Variants in ZNF793 observed in about 807,000 individuals in gnomAD.
ZNF793 encodes zinc finger protein 793.
Under a neutral mutation model 12.4 loss-of-function variants are expected in ZNF793, and 5 were observed. The observed-to-expected ratio is 0.40, with a 90% CI of 0.21 to 0.84. The LOEUF is 0.84. Ranked by LOEUF, ZNF793 falls within the 40% of genes least tolerant of loss-of-function variation. The pLI is 0.35. For synonymous variants in ZNF793, 162 were observed against 172.4 expected (o/e 0.94, Z 0.47); for missense variants, 456 against 495.0 (o/e 0.92, Z 0.75).
chr19:37,532,575 C>A, intron 6 of ZNF793, 93 bp downstream of exon 6: 1 of 1,421,350 alleles, frequency 7.0e-7, no homozygotes, highest in Non-Finnish European at 9.3e-7. Context: ...CTTTGGGAGG[C>A]CAAGGCAGGT....
At chr19:37,525,638 G>A (rs2042409564) in intron 5 of ZNF793, among the ~76,000 whole-genome samples, 1 of 150,228 alleles carries the variant, frequency 6.7e-6, no homozygotes, top group African/African-American at 2.5e-5. Flanking sequence ...GGTTTCGATG[G>A]TCTCGATCTC....
intron 5 of ZNF793, among the ~76,000 whole-genome samples, chr19:37,525,945 A>G (rs1441460309): frequency 2.6e-5 from 4 of 151,880 alleles, no homozygotes; most frequent in Admixed American, 6.6e-5. Flanking sequence ...CCCAGCCCCC[A>G]AGGGCCCTGT....
chr19:37,536,856 G>C lies in ZNF793; in HGVS notation c.239-41G>C, dbSNP rs1600423587. ...AAATTTTGAGAGCATTTCTTAAGTA[G>C]TATGAAGTTTCATAAGGATGATTCA... On this transcript the variant is annotated intron_variant, in intron 7 of 7. Coordinates refer to ENST00000627814, the MANE Select transcript of ZNF793 (RefSeq NM_001013659.3). The C allele has an allele frequency of 1.0e-5, 16 of 1,546,778 alleles. No homozygotes were observed. The African/African-American group carries it at 1.1e-4, about 11-fold the overall frequency.
intron 2 of ZNF793, among the ~76,000 whole-genome samples, chr19:37,517,634 C>A (rs972201569): frequency 6.6e-6 from 1 of 152,062 alleles, no homozygotes; most frequent in African/African-American, 2.4e-5. Flanking sequence ...TCAGGCACTA[C>A]GTCTTTATGT....
chr19:37,519,845 T>C (rs2042361600), intron 2 of ZNF793, among the ~76,000 whole-genome samples: 1 of 152,216 alleles, frequency 6.6e-6, no homozygotes, highest in Admixed American at 6.5e-5. Context: ...AGAGCCTGCA[T>C]TTGAACCCAG....
chr19:37,532,397 A>G lies in ZNF793; in HGVS notation c.57A>G (p.Gln19=). 2 of 1,614,172 alleles carry G rather than the reference A, an allele frequency of 1.2e-6. No individual in the cohort carries two copies. Among genetic ancestry groups the G allele is most frequent in the South Asian group, 2.2e-5 (2 of 91,070 alleles). ...SFKDVVVGFT[Q]EEWHRLSPAQ... ...AAGATGTGGTTGTGGGCTTCACCCA[A>G]GAGGAGTGGCACCGGCTGAGTCCTG... is the stretch of plus-strand genomic sequence containing the variant. The change falls in exon 6 of 8, where the codon CAA becomes CAG. Residue 19 remains glutamine (Q), a synonymous_variant. Transcript: ENST00000627814.
chr19:37,525,735 C>T (rs1203225112), intron 5 of ZNF793, among the ~76,000 whole-genome samples: 1 of 152,046 alleles, frequency 6.6e-6, no homozygotes, highest in Non-Finnish European at 1.5e-5. Flanking sequence ...GGAATGATTT[C>T]TGTTTAAGGG....
chr19:37,513,630 G>A (rs1025663332), intron 2 of ZNF793, among the ~76,000 whole-genome samples: 5 of 152,220 alleles, frequency 3.3e-5, no homozygotes, highest in African/African-American at 1.2e-4. Context: ...GATTTCTGCA[G>A]TGTTCTCAGA....
Position 37,532,360 on chromosome 19 carries a change from C to G in ZNF793, c.20C>G (p.Pro7Arg). The change falls in exon 6 of 8, where the codon CCT becomes CGT. Residue 7 changes from proline to arginine, a missense_variant. Physicochemically the swap from Pro to Arg is moderately radical, Grantham distance 103. Coordinates refer to ENST00000627814, the MANE Select transcript of ZNF793 (RefSeq NM_001013659.3). Reference sequence around the variant, plus strand: ...ATGTCATTTTTGTTTCAACAGATACCTGTGTCATTCAAAGATGTGGTTGTG... The same window carrying G: ...ATGTCATTTTTGTTTCAACAGATACGTGTGTCATTCAAAGATGTGGTTGTG... MIEYQIPVSFKDVVVGF... is the reference protein window; with the variant it reads MIEYQIRVSFKDVVVGF... 3 of 1,613,590 alleles carry G rather than the reference C, an allele frequency of 1.9e-6. No homozygotes were observed. The highest frequency in any genetic ancestry group is 2.5e-6 in the Non-Finnish European group (3 of 1,179,736).
At chr19:37,535,701 T>G (rs2042499375) in intron 7 of ZNF793, 1 of 152,064 alleles carries the variant, frequency 6.6e-6, no homozygotes, top group South Asian at 2.1e-4. Context: ...ATTTTCTATT[T>G]TTAGTAGAGA....
chr19:37,524,152 AAATAATAATAATAAT>A lies in ZNF793; in HGVS notation c.15+731_15+745del, dbSNP rs200203820. Among the ~76,000 whole-genome samples, 913 of 138,940 alleles carry A rather than the reference AAATAATAATAATAAT, an allele frequency of 6.6e-3. 10 individuals carry two copies. Among genetic ancestry groups the A allele is most frequent in the South Asian group, 0.016 (67 of 4,216 alleles). The allele number at this position is 138,940 out of a possible 152,430, so 91.2% of individuals were successfully genotyped here. On this transcript the variant is annotated intron_variant, in intron 5 of 7. Coordinates refer to ENST00000627814, the MANE Select transcript of ZNF793 (RefSeq NM_001013659.3). ...GCAACAAGAGCAAAACTCCATCTCA[AAATAATAATAATAAT>A]AATAATAATAATAATAATAATAATA...
chr19:37,512,241 G>A (rs1047444583), intron 2 of ZNF793, among the ~76,000 whole-genome samples: 1 of 152,148 alleles, frequency 6.6e-6, no homozygotes, highest in African/African-American at 2.4e-5. Context: ...AATAGGCCCG[G>A]TGTGGTGGCT....
In ZNF793 at chr19:37,522,020, C is replaced by A. The variant is rs369483869; in HGVS notation, c.-146-512C>A. Among the ~76,000 whole-genome samples the A allele has an allele frequency of 5.3e-5, 8 of 151,814 alleles. No homozygotes were observed. The East Asian group carries it at 9.7e-4, about 18-fold the overall frequency. On this transcript the variant is annotated intron_variant, in intron 3 of 7. Coordinates refer to ENST00000627814, the MANE Select transcript of ZNF793 (RefSeq NM_001013659.3). Reference sequence around the variant, plus strand: ...AGGGTATATTTTCTAAGAATAAGAACTTTTTTTTATGTAACCAGTAGTTTT... The same window carrying A: ...AGGGTATATTTTCTAAGAATAAGAAATTTTTTTTATGTAACCAGTAGTTTT...
chr19:37,507,327 A>C (rs1312769728), intron 1 of ZNF793: 1 of 152,438 alleles, frequency 6.6e-6, no homozygotes, highest in Admixed American at 6.5e-5. Context: ...AGTGGTCTTC[A>C]TGGGTCTGGG....
chr19:37,507,218 G>C (rs1403406170), intron 1 of ZNF793: 1 of 152,860 alleles, frequency 6.5e-6, no homozygotes, highest in Non-Finnish European at 1.5e-5. Context: ...GGGAGTCAGT[G>C]GCACGGTCTC....
At chr19:37,533,250 A>C in intron 6 of ZNF793, 58 bp from the exon 7 acceptor site, 1 of 1,457,224 alleles carries the variant, frequency 6.9e-7, no homozygotes, top group South Asian at 1.1e-5. Flanking sequence ...AAGCTGCCTG[A>C]GAGGCCCTGA....
At position 37,537,022 on chromosome 19, in the gene ZNF793, A is replaced by T; in HGVS notation, c.364A>T (p.Ile122Leu). The change falls in exon 8 of 8, where the codon ATA (isoleucine) becomes TTA (leucine). Residue 122 changes from isoleucine to leucine, a missense_variant. Transcript: ENST00000627814. Reference sequence around the variant, plus strand: ...CTGTGAATATAATAAGTTTGGGAAAATATCACTTCTGAGCACTGATCTTTT... The same window carrying T: ...CTGTGAATATAATAAGTTTGGGAAATTATCACTTCTGAGCACTGATCTTTT... ...KSCEYNKFGK[I>L]SLLSTDLFSS... 6.2e-7 allele frequency: 1 copy of T among 1,613,996 alleles called. No individual in the cohort carries two copies.
chr19:37,521,325 G>A (rs981759393), intron 3 of ZNF793, among the ~76,000 whole-genome samples: 6 of 151,118 alleles, frequency 4.0e-5, no homozygotes, highest in Admixed American at 1.3e-4. Flanking sequence ...GTTTCACCAT[G>A]TTGACCAGGC....
intron 2 of ZNF793, among the ~76,000 whole-genome samples, chr19:37,511,684 A>G (rs536323692): frequency 6.6e-6 from 1 of 152,344 alleles, no homozygotes; most frequent in Admixed American, 6.5e-5. Context: ...AAAATAAAAA[A>G]GAAATTCTAA....
Sources: allele counts gnomAD v4.1 joint callset (sites outside exome capture counted in the v4.1 genomes callset), GRCh38; gene constraint gnomAD v4.1.1; transcripts MANE v1.5; gene names NCBI Gene and HGNC (gene_info 2026-07-23, HGNC 2026-07-21).